Variants in CYP7B1 observed in about 807,000 individuals in gnomAD.
CYP7B1 encodes cytochrome P450 family 7 subfamily B member 1.
In CYP7B1, 29 loss-of-function variants were observed where a neutral mutation model predicts 42.7. The ratio of observed to expected loss-of-function variants is 0.68; its 90% confidence interval spans 0.51 to 0.93. CYP7B1 has a LOEUF of 0.93. CYP7B1 is among the 40% of genes least tolerant of loss of function. The pLI, the probability that CYP7B1 is intolerant of heterozygous loss-of-function variation, is 0.00. For synonymous variants in CYP7B1, 235 were observed against 218.2 expected (o/e 1.08, Z -0.68); for missense variants, 655 against 600.5 (o/e 1.09, Z -0.95).
intron 1 of CYP7B1, among the ~76,000 whole-genome samples, chr8:64,638,401 G>C (rs1805805616): frequency 6.6e-6 from 1 of 152,054 alleles, no homozygotes; most frequent in African/African-American, 2.4e-5. Flanking sequence ...TTGCTTTGAG[G>C]ACTTTGAAAT....
chr8:64,673,956 A>G (rs570442944), intron 1 of CYP7B1, among the ~76,000 whole-genome samples: 2 of 152,108 alleles, frequency 1.3e-5, no homozygotes, highest in Non-Finnish European at 2.9e-5. Flanking sequence ...TAAATCTTCA[A>G]AAACAGCATA....
chr8:64,717,519 A>G (rs937002364), intron 1 of CYP7B1, among the ~76,000 whole-genome samples: 1 of 152,226 alleles, frequency 6.6e-6, no homozygotes, highest in South Asian at 2.1e-4. Context: ...ATTTGGAGCC[A>G]TAACAGCCCA....
At chr8:64,607,061 C>G (rs1334499980) in intron 4 of CYP7B1, among the ~76,000 whole-genome samples, 2 of 152,198 alleles carry the variant, frequency 1.3e-5, no homozygotes, top group Non-Finnish European at 2.9e-5. Flanking sequence ...CCAGGAGGTA[C>G]AGTAAATTAT....
chr8:64,769,623 T>C (rs1246014149), intron 1 of CYP7B1, among the ~76,000 whole-genome samples: 1 of 152,250 alleles, frequency 6.6e-6, no homozygotes, highest in East Asian at 1.9e-4. Flanking sequence ...AACGCTTGAA[T>C]GTATTCCATC....
chr8:64,746,263 A>G (rs1807641713), intron 1 of CYP7B1, among the ~76,000 whole-genome samples: 1 of 152,264 alleles, frequency 6.6e-6, no homozygotes, highest in East Asian at 1.9e-4. Context: ...TAAGTCCCCA[A>G]GCATTGATCT....
At chr8:64,633,643 G>A (rs935335607) in intron 1 of CYP7B1, among the ~76,000 whole-genome samples, 2 of 152,132 alleles carry the variant, frequency 1.3e-5, no homozygotes, top group African/African-American at 4.8e-5. Context: ...GAAATAGAGA[G>A]ATATTCTATG....
chr8:64,693,974 G>T (rs1277605560), intron 1 of CYP7B1, among the ~76,000 whole-genome samples: 1 of 152,198 alleles, frequency 6.6e-6, no homozygotes, highest in East Asian at 1.9e-4. Flanking sequence ...TTGATTCCCA[G>T]ACCAGTGTGT....
chr8:64,655,410 G>T (rs1008622301), intron 1 of CYP7B1, among the ~76,000 whole-genome samples: 1 of 151,926 alleles, frequency 6.6e-6, no homozygotes, highest in Non-Finnish European at 1.5e-5. Context: ...GCCAACAAGC[G>T]TATGAAAAAA....
At chr8:64,600,315 T>G (rs1010342919) in intron 5 of CYP7B1, among the ~76,000 whole-genome samples, 1 of 152,190 alleles carries the variant, frequency 6.6e-6, no homozygotes, top group African/African-American at 2.4e-5. Flanking sequence ...TATGTTTAGT[T>G]CAGTTCAACA....
intron 1 of CYP7B1, among the ~76,000 whole-genome samples, chr8:64,746,306 C>T (rs1395942909): frequency 6.6e-6 from 1 of 152,086 alleles, no homozygotes; most frequent in Non-Finnish European, 1.5e-5. Flanking sequence ...AAAGGCAAGC[C>T]TTAAGGTTAC....
At chr8:64,701,659 A>G (rs955728437) in intron 1 of CYP7B1, among the ~76,000 whole-genome samples, 28 of 152,196 alleles carry the variant, frequency 1.8e-4, no homozygotes, top group Admixed American at 1.8e-3. Context: ...CGATAATGTT[A>G]AGAGAGGAAA....
chr8:64,748,031 C>A (rs546561911), intron 1 of CYP7B1, among the ~76,000 whole-genome samples: 2 of 152,286 alleles, frequency 1.3e-5, no homozygotes, highest in South Asian at 2.1e-4. Flanking sequence ...TCCTTCCCAC[C>A]CAAACTCCTC....
intron 4 of CYP7B1, among the ~76,000 whole-genome samples, chr8:64,612,642 AAAG>A (rs1417914410): frequency 3.9e-5 from 6 of 152,132 alleles, no homozygotes; most frequent in African/African-American, 1.4e-4. Context: ...ATTTCTGTAA[AAAG>A]AAGAACCTCT....
intron 1 of CYP7B1, among the ~76,000 whole-genome samples, chr8:64,640,904 T>C (rs1047186130): frequency 1.3e-5 from 2 of 152,132 alleles, no homozygotes; most frequent in African/African-American, 4.8e-5. Context: ...ATAAAGTAAA[T>C]AAGCATAAGA....
intron 1 of CYP7B1, among the ~76,000 whole-genome samples, chr8:64,745,223 G>A (rs1226529031): frequency 6.6e-6 from 1 of 152,132 alleles, no homozygotes; most frequent in Non-Finnish European, 1.5e-5. Flanking sequence ...TGTTCATTTT[G>A]TATGCTTCCA....
In CYP7B1 at chr8:64,592,888, T is replaced by G. The variant is rs190416917; in HGVS notation, c.*3754A>C. ...AACTGATTTGTCCAGGACATGTTTTTCTATTTGTAAATACTATTTAGTTAC... is the reference window on the plus strand; with the variant it reads ...AACTGATTTGTCCAGGACATGTTTTGCTATTTGTAAATACTATTTAGTTAC... On this transcript the variant is annotated 3_prime_UTR_variant, in exon 6 of 6. Transcript: ENST00000310193. Among the ~76,000 whole-genome samples the G allele has an allele frequency of 4.2e-4, 64 of 152,344 alleles. No homozygotes were observed. Among genetic ancestry groups the G allele is most frequent in the Middle Eastern group, 3.4e-3 (1 of 294 alleles).
At chr8:64,719,889 C>T (rs1485555648) in intron 1 of CYP7B1, among the ~76,000 whole-genome samples, 2 of 152,172 alleles carry the variant, frequency 1.3e-5, no homozygotes, top group East Asian at 3.8e-4. Context: ...GTGCTCTTGG[C>T]CTAAGTGCTT....
intron 1 of CYP7B1, among the ~76,000 whole-genome samples, chr8:64,696,670 A>C (rs774109431): frequency 3.9e-5 from 6 of 152,140 alleles, no homozygotes; most frequent in Non-Finnish European, 7.4e-5. Context: ...TGTGACTGTA[A>C]AGTATTTAGC....
intron 1 of CYP7B1, among the ~76,000 whole-genome samples, chr8:64,720,181 A>G (rs1807216257): frequency 6.6e-6 from 1 of 152,200 alleles, no homozygotes; most frequent in Non-Finnish European, 1.5e-5. Flanking sequence ...GAGATTTTTT[A>G]GAGACACACA....
Sources: gnomAD v4.1 joint callset for allele counts (sites outside exome capture counted in the v4.1 genomes callset) on GRCh38, gnomAD v4.1.1 for gene constraint, MANE v1.5 for transcripts, NCBI Gene and HGNC (gene_info 2026-07-23, HGNC 2026-07-21) for gene names.